USP36: variants seen among roughly 807,000 people sequenced by gnomAD.
USP36 encodes the protein ubiquitin carboxyl-terminal hydrolase 36.
Under a neutral mutation model 111.5 loss-of-function variants are expected in USP36, and 59 were observed. The ratio of observed to expected loss-of-function variants is 0.53; its 90% CI spans 0.43 to 0.66. The LOEUF (loss-of-function observed/expected upper bound fraction) is 0.66, where lower values mean the gene tolerates loss of function less well. Among genes scored for constraint, USP36 ranks in the 30% least tolerant of loss-of-function variants. The pLI, the probability that USP36 is intolerant of heterozygous loss-of-function variation, is 0.00. For synonymous variants in USP36, 628 were observed against 581.0 expected, an observed-to-expected ratio of 1.08 and a Z score of -1.16; for missense variants, 1,488 against 1,468.0, an observed-to-expected ratio of 1.01 and a Z score of -0.22.
At chr17:78,812,644 T>C (rs6501250) in intron 13 of USP36, among the ~76,000 whole-genome samples, 73,214 of 144,986 alleles carry the variant, frequency 0.5, 18,311 homozygotes, top group East Asian at 0.56. Flanking sequence ...GAGCCGAGAT[T>C]GGAGATCGCA....
intron 9 of USP36, 113 bp from the exon 10 acceptor site, chr17:78,818,891 C>T (rs1321974880): frequency 9.3e-7 from 1 of 1,079,020 alleles, no homozygotes; most frequent in Non-Finnish European, 1.4e-6. Flanking sequence ...GTGGAATCTT[C>T]ATCAATGAGA....
chr17:78,818,865 C>T, intron 9 of USP36, 87 bp from the exon 10 acceptor site: 1 of 1,346,490 alleles, frequency 7.4e-7, no homozygotes, highest in Non-Finnish European at 1.1e-6. Flanking sequence ...ATAACAGCAA[C>T]AACTGCTCTG....
At chr17:78,816,110 G>A (rs2094181826) in intron 10 of USP36, among the ~76,000 whole-genome samples, 1 of 152,012 alleles carries the variant, frequency 6.6e-6, no homozygotes, top group Admixed American at 6.6e-5. Flanking sequence ...CCATTATTCT[G>A]GGTCATATAC....
chr17:78,793,293 G>A (rs2093598509), downstream of USP36, among the ~76,000 whole-genome samples: 1 of 152,134 alleles, frequency 6.6e-6, no homozygotes, highest in Non-Finnish European at 1.5e-5. Context: ...CAATGAGAGA[G>A]CAAAATAGTG....
chr17:78,806,893 A>T, intron 14 of USP36, 66 bp downstream of exon 14: 1 of 1,572,344 alleles, frequency 6.4e-7, no homozygotes, highest in South Asian at 1.2e-5. Context: ...CTCCCTTCAA[A>T]CCACAACCAA....
intron 14 of USP36, 51 bp from the exon 15 acceptor site, chr17:78,806,337 T>A (rs1485078095): frequency 9.3e-6 from 15 of 1,608,492 alleles, no homozygotes; most frequent in Non-Finnish European, 1.3e-5. Flanking sequence ...AAGGTTTCCG[T>A]GAGTGAAGAG....
chr17:78,814,970 G>A (rs2094145846), intron 10 of USP36, among the ~76,000 whole-genome samples: 1 of 151,460 alleles, frequency 6.6e-6, no homozygotes, highest in African/African-American at 2.4e-5. Context: ...CCACAAACAA[G>A]AAAAAGACAA....
rs1398565405 is a variant in USP36 at position 78,803,658 on chromosome 17, C to T, written c.2537G>A (p.Arg846Lys). The T allele has an allele frequency of 6.2e-7, 1 of 1,609,066 alleles. No individual in the cohort carries two copies. The highest frequency in any genetic ancestry group is 2.2e-5 in the East Asian group (1 of 44,832). ...ATAAPHGKRK[R>K]KKKKRPEDTA... ...GTCCTCCGGGCGCTTCTTCTTCTTC[C>T]TCTTCCTCTTCCCGTGGGGAGCCGC... Residue 846 changes from arginine to lysine, a missense_variant, in exon 16 of 21, where the codon AGG becomes AAG. This residue lies in a region of USP36 where 1,073 missense variants were observed against 994.1 expected (regional missense o/e 1.08). Transcript: ENST00000449938. This position sits in a 1 kb window ranked among gnomAD's most constrained non-coding sequence, Gnocchi z 4.6.
In USP36 at chr17:78,818,685, G is replaced by A. The variant is rs774387121; in HGVS notation, c.1005C>T (p.Ser335=). The A allele has an allele frequency of 8.1e-6, 13 of 1,613,750 alleles. No individual in the cohort carries two copies. Among genetic ancestry groups the A allele is most frequent in the East Asian group, 2.2e-5 (1 of 44,898 alleles). ...CGCTCACCTTGGTGATCTTCCCCCC[G>A]CTGAAGTTGGCAAAGCGCTTGAGGG... The part of the protein sequence containing the change: ...TLSLKRFANF[S]GGKITKDVGY... The change falls in exon 10 of 21, where the codon AGC becomes AGT. Residue 335 remains serine, a synonymous_variant. Transcript: ENST00000449938.
intron 2 of USP36, among the ~76,000 whole-genome samples, 163 bp downstream of exon 2, chr17:78,838,424 C>T (rs1444411263): frequency 1.3e-5 from 2 of 149,890 alleles, no homozygotes; most frequent in Non-Finnish European, 3.0e-5. Context: ...ATTTCAGAAG[C>T]TTATTTAAAA....
intron 4 of USP36, among the ~76,000 whole-genome samples, chr17:78,832,938 CGA>C (rs2068282822): frequency 6.6e-6 from 1 of 152,102 alleles, no homozygotes; most frequent in Non-Finnish European, 1.5e-5. Flanking sequence ...CACCTGAGGT[CGA>C]GAGTTCAAGA....
chr17:78,809,467 C>A (rs913557880), intron 13 of USP36, among the ~76,000 whole-genome samples: 1 of 152,112 alleles, frequency 6.6e-6, no homozygotes, highest in Non-Finnish European at 1.5e-5. Context: ...TAAAACGGCT[C>A]GTCTGCTTGC....
At chr17:78,817,264 G>A (rs2094210801) in intron 10 of USP36, among the ~76,000 whole-genome samples, 1 of 152,136 alleles carries the variant, frequency 6.6e-6, no homozygotes, top group Non-Finnish European at 1.5e-5. Flanking sequence ...GAATTGCCTG[G>A]TGACACATTT....
chr17:78,821,387 A>AAAATAT (rs1298709440), intron 7 of USP36: 1 of 54,788 alleles, frequency 1.8e-5, no homozygotes, highest in East Asian at 5.0e-4. Context: ...TCCTAATGAG[A>AAAATAT]ATATATATAT....
intron 8 of USP36, among the ~76,000 whole-genome samples, chr17:78,820,583 G>C (rs1422064011): frequency 6.6e-6 from 1 of 152,208 alleles, no homozygotes; most frequent in Non-Finnish European, 1.5e-5. Flanking sequence ...GGTTGGCCCA[G>C]CAAAGGCAGA....
At chr17:78,793,090 G>A (rs896239432), downstream of USP36, among the ~76,000 whole-genome samples, 1 of 151,488 alleles carries the variant, frequency 6.6e-6, no homozygotes, top group African/African-American at 2.4e-5. Context: ...ACTTCCGTCA[G>A]TATCGAATGC....
At chr17:78,832,944 T>C (rs2068283651) in intron 4 of USP36, among the ~76,000 whole-genome samples, 1 of 151,072 alleles carries the variant, frequency 6.6e-6, no homozygotes, top group Admixed American at 6.6e-5. Context: ...AGGTCGAGAG[T>C]TCAAGACCAG....
intron 3 of USP36, among the ~76,000 whole-genome samples, chr17:78,787,874 T>C (rs2093548793): frequency 6.6e-6 from 1 of 152,150 alleles, no homozygotes; most frequent in Non-Finnish European, 1.5e-5. Flanking sequence ...CTTGTGTCCT[T>C]ACAAAAAGAG....
intron 15 of USP36, 36 bp downstream of exon 15, chr17:78,806,120 C>G: frequency 6.2e-7 from 1 of 1,611,592 alleles, no homozygotes. Flanking sequence ...CAGGGAGAAC[C>G]AGTTGGCACC....
Sources: allele counts gnomAD v4.1 joint callset (sites outside exome capture counted in the v4.1 genomes callset), GRCh38; gene constraint gnomAD v4.1.1; regional missense constraint gnomAD v4.1.1; non-coding constraint Gnocchi (gnomAD v3.1); transcripts MANE v1.5; gene names NCBI Gene and HGNC (gene_info 2026-07-23, HGNC 2026-07-21).